Variants in FHIT observed in about 807,000 individuals in gnomAD.
FHIT encodes the protein bis(5'-adenosyl)-triphosphatase.
Under a neutral mutation model 17.9 loss-of-function variants are expected in FHIT, and 19 were observed. That is an observed-to-expected ratio of 1.06 (90% CI 0.74 to 1.56). FHIT has a LOEUF of 1.56. FHIT is among the 40% of genes most tolerant of loss of function. The pLI, the probability that FHIT is intolerant of heterozygous loss-of-function variation, is 0.00. For missense variants in FHIT, 248 were observed against 189.2 expected, an observed-to-expected ratio of 1.31 and a Z score of -1.82; for synonymous variants, 81 against 69.7, an observed-to-expected ratio of 1.16 and a Z score of -0.81.
chr3:60,859,242 C>A (rs146567738), intron 3 of FHIT, among the ~76,000 whole-genome samples: 1 of 152,258 alleles, frequency 6.6e-6, no homozygotes, highest in Non-Finnish European at 1.5e-5. Flanking sequence ...TCCTCATAGA[C>A]CTCTTCATAA....
intron 1 of FHIT, among the ~76,000 whole-genome samples, chr3:61,211,991 C>T (rs539686341): frequency 3.3e-5 from 5 of 151,150 alleles, no homozygotes; most frequent in African/African-American, 1.2e-4. Context: ...GACATCCACA[C>T]CAAAAATCTG....
intron 3 of FHIT, among the ~76,000 whole-genome samples, chr3:60,972,215 C>G (rs11130804): frequency 0.23 from 34,461 of 152,064 alleles, 5,117 homozygotes; most frequent in East Asian, 0.59. Context: ...TACATGATTT[C>G]AACTGGGACT....
At chr3:60,162,395 A>G (rs1700978458) in intron 5 of FHIT, among the ~76,000 whole-genome samples, 1 of 152,196 alleles carries the variant, frequency 6.6e-6, no homozygotes, top group African/African-American at 2.4e-5. Flanking sequence ...AGGGTCGGTT[A>G]CAAATTCTCA....
chr3:60,073,806 C>T (rs1702887945), intron 5 of FHIT, among the ~76,000 whole-genome samples: 1 of 152,138 alleles, frequency 6.6e-6, no homozygotes, highest in South Asian at 2.1e-4. Flanking sequence ...AGCTGGAATT[C>T]TAGCCTCTGT....
intron 3 of FHIT, among the ~76,000 whole-genome samples, chr3:61,019,422 A>G (rs978441616): frequency 1.3e-5 from 2 of 152,228 alleles, no homozygotes; most frequent in African/African-American, 4.8e-5. Context: ...GGGAGTAAGG[A>G]AGGAAACAGC....
Position 60,250,773 on chromosome 3 carries a change from A to T in FHIT, c.104-236621T>A, listed in dbSNP as rs188037310. 4.6e-5 allele frequency among the ~76,000 whole-genome samples: 7 copies of T among 151,930 alleles called. No homozygotes were observed. The East Asian group carries it at 1.4e-3, about 30-fold the overall frequency. On this transcript the variant is annotated intron_variant, in intron 5 of 9. Coordinates refer to ENST00000492590, the MANE Select transcript of FHIT (RefSeq NM_002012.4). The stretch of plus-strand genomic sequence containing the variant: ...AGTACCTTCCTTTAGAAGAAGAATT[A>T]AAAAAAAGACCACCTGATTTTCAAT...
At chr3:60,542,191 A>G (rs533351374) in intron 4 of FHIT, among the ~76,000 whole-genome samples, 88 of 152,298 alleles carry the variant, frequency 5.8e-4, no homozygotes, top group African/African-American at 2.1e-3. Flanking sequence ...ATGTTGCCAT[A>G]AACAATTCCT....
chr3:60,101,575 G>T (rs1458104055), intron 5 of FHIT, among the ~76,000 whole-genome samples: 1 of 152,050 alleles, frequency 6.6e-6, no homozygotes, highest in Non-Finnish European at 1.5e-5. Flanking sequence ...TACACAAACT[G>T]CAATGATTGT....
chr3:61,095,607 T>G (rs2035613066), intron 2 of FHIT, among the ~76,000 whole-genome samples: 1 of 152,124 alleles, frequency 6.6e-6, no homozygotes, highest in South Asian at 2.1e-4. Flanking sequence ...CAGCCTAAAA[T>G]TCTTCCTCAC....
intron 5 of FHIT, among the ~76,000 whole-genome samples, chr3:60,185,013 A>G (rs1052227020): frequency 5.9e-5 from 9 of 152,140 alleles, no homozygotes; most frequent in Non-Finnish European, 1.3e-4. Context: ...TCTTGGCACT[A>G]TAACGTGCTC....
In FHIT at chr3:60,725,276, A is replaced by T. The variant is rs75992412; in HGVS notation, c.-18+96643T>A. ...TTTCAATCATGTCCTTTAAAGCATA[A>T]AAGTTTTAATTTTTAGGATGTCCAA... On this transcript the variant is annotated intron_variant, in intron 4 of 9. Coordinates refer to ENST00000492590, the MANE Select transcript of FHIT (RefSeq NM_002012.4). 2.5e-3 allele frequency among the ~76,000 whole-genome samples: 377 copies of T among 152,202 alleles called. 1 individual carries two copies. The highest frequency in any genetic ancestry group is 3.5e-3 in the Non-Finnish European group (237 of 68,010).
chr3:60,561,106 T>C (rs1297129539), intron 4 of FHIT, among the ~76,000 whole-genome samples: 1 of 152,082 alleles, frequency 6.6e-6, no homozygotes, highest in African/African-American at 2.4e-5. Flanking sequence ...TTAAGATTTT[T>C]TTAATGTATC....
chr3:60,511,597 A>C (rs2034952944), intron 5 of FHIT, among the ~76,000 whole-genome samples: 1 of 152,204 alleles, frequency 6.6e-6, no homozygotes, highest in South Asian at 2.1e-4. Flanking sequence ...ATTTTAATGG[A>C]GGTATCAGCA....
intron 8 of FHIT, among the ~76,000 whole-genome samples, chr3:59,868,797 C>G (rs1006256801): frequency 6.6e-5 from 10 of 152,078 alleles, no homozygotes; most frequent in African/African-American, 2.4e-4. Context: ...ATTTGTAGGT[C>G]TAATTACTCA....
chr3:60,805,022 A>G (rs530441266), intron 4 of FHIT, among the ~76,000 whole-genome samples: 3 of 152,328 alleles, frequency 2.0e-5, no homozygotes, highest in African/African-American at 7.2e-5. Flanking sequence ...TACTCAATGA[A>G]TATTTGGTAA....
intron 7 of FHIT, among the ~76,000 whole-genome samples, chr3:60,008,351 A>G (rs1048352571): frequency 6.6e-6 from 1 of 152,184 alleles, no homozygotes; most frequent in Admixed American, 6.5e-5. Context: ...AGGAGAGTTA[A>G]TAATCAATTG....
At chr3:59,983,475 T>C (rs13092800) in intron 7 of FHIT, among the ~76,000 whole-genome samples, 1 of 152,300 alleles carries the variant, frequency 6.6e-6, no homozygotes, top group East Asian at 1.9e-4. Context: ...TATATTGGTA[T>C]AGTTGTACTA....
At chr3:60,763,171 C>T (rs1338906858) in intron 4 of FHIT, among the ~76,000 whole-genome samples, 5 of 152,044 alleles carry the variant, frequency 3.3e-5, no homozygotes, top group Non-Finnish European at 7.4e-5. Context: ...GGCTTACACA[C>T]GAGACAGAAT....
intron 5 of FHIT, among the ~76,000 whole-genome samples, chr3:60,415,828 A>C (rs1207773940): frequency 6.7e-6 from 1 of 149,352 alleles, no homozygotes; most frequent in Non-Finnish European, 1.5e-5. Flanking sequence ...TCTATAAAAT[A>C]ATAATAATTA....
Sources: allele counts gnomAD v4.1 joint callset (sites outside exome capture counted in the v4.1 genomes callset), GRCh38; gene constraint gnomAD v4.1.1; transcripts MANE v1.5; gene names NCBI Gene and HGNC (gene_info 2026-07-23, HGNC 2026-07-21).